The following RITA1 variants were observed in gnomAD, a reference collection of about 807,000 sequenced individuals.
The protein encoded by RITA1 is RBPJ-interacting and tubulin-associated protein 1.
In RITA1, 15 loss-of-function variants were observed where a neutral mutation model predicts 8.7. That is an observed-to-expected ratio of 1.72 (90% CI 1.15 to 2.65). The LOEUF is 2.65. Among genes scored for constraint, RITA1 ranks in the 30% most tolerant of loss-of-function variants. RITA1 has a pLI of 0.00. For synonymous variants in RITA1, 145 were observed against 156.2 expected (o/e 0.93, Z 0.53); for missense variants, 330 against 363.8 (o/e 0.91, Z 0.76).
At chr12:113,187,101 C>A in intron 3 of RITA1, 53 bp downstream of exon 3, 1 of 1,468,732 alleles carries the variant, frequency 6.8e-7, no homozygotes, top group Non-Finnish European at 9.1e-7. Flanking sequence ...ACCTGGATTC[C>A]AGTTACAGCT....
At chr12:113,189,225 A>G (rs61941446) in intron 3 of RITA1, among the ~76,000 whole-genome samples, 7,516 of 152,206 alleles carry the variant, frequency 0.049, 265 homozygotes, top group Middle Eastern at 0.068. Context: ...AGAACTGGCC[A>G]GCTAAAGTTA....
Position 113,188,241 on chromosome 12 carries a change from G to T in RITA1, c.302+1193G>T, listed in dbSNP as rs372247570. ...ATTTTTTTTTTTTTTTTTTGAGACG[G>T]AGTTTTGCTCTTGTTGCCCAGGCTG... On this transcript the variant is annotated intron_variant, in intron 3 of 3. Coordinates refer to ENST00000548278, the MANE Select transcript of RITA1 (RefSeq NM_032848.3). Among the ~76,000 whole-genome samples, 1,027 of 148,974 alleles carry T rather than the reference G, an allele frequency of 6.9e-3. 18 individuals carry two copies. The highest frequency in any genetic ancestry group is 0.023 in the African/African-American group (933 of 40,210).
intron 1 of RITA1, 78 bp from the exon 2 acceptor site, chr12:113,186,107 G>A (rs1952533366): frequency 2.0e-6 from 3 of 1,524,192 alleles, no homozygotes; most frequent in Middle Eastern, 1.7e-4. Flanking sequence ...TGGGGCGGTG[G>A]GGGCGGCGGT....
rs981016314 is a variant in RITA1 at position 113,188,496 on chromosome 12, C to T, written c.302+1448C>T. The stretch of plus-strand genomic sequence containing the variant: ...TGCTGGGATTACAGGCATGAGCCAC[C>T]GCGCCTGGCCACAACACAAATTTAT... On this transcript the variant is annotated intron_variant, in intron 3 of 3. Coordinates refer to ENST00000548278, the MANE Select transcript of RITA1 (RefSeq NM_032848.3). 7.2e-5 allele frequency among the ~76,000 whole-genome samples: 11 copies of T among 152,088 alleles called. No individual in the cohort carries two copies. In the South Asian group the frequency reaches 1.0e-3, roughly 14 times the overall value.
rs764106783 is a variant in RITA1, at chr12:113,191,685, C to CA, written c.679dup (p.Arg227LysfsTer22). On this transcript the variant is annotated frameshift_variant, in exon 4 of 4. Coordinates refer to ENST00000548278, the MANE Select transcript of RITA1 (RefSeq NM_032848.3). LOFTEE classifies it low-confidence loss of function (END_TRUNC). This position sits in a 1 kb window ranked among gnomAD's most constrained non-coding sequence, Gnocchi z 4.0. ...CCCACACAAATGGGCCTCAGGATCT[C>CA]AGGCCTTCCACGTCAGGGGTGACCT... is the stretch of plus-strand genomic sequence containing the variant. 1.6e-5 allele frequency: 26 copies of CA among 1,614,048 alleles called. No homozygotes were observed. The highest frequency in any genetic ancestry group is 1.6e-4 in the Middle Eastern group (1 of 6,082).
In RITA1 at chr12:113,191,440, C is replaced by G; in HGVS notation, c.433C>G (p.Pro145Ala). Reference sequence around the variant, plus strand: ...GCTCCGTGCTCTCTTGTGGACGCCACCACCTACCCCCAGGGGTAGCCACTC... The same window carrying G: ...GCTCCGTGCTCTCTTGTGGACGCCAGCACCTACCCCCAGGGGTAGCCACTC... ...AKLRALLWTP[P>A]PTPRGSHSPR... The change falls in exon 4 of 4, where the codon CCA becomes GCA. Residue 145 changes from proline (P) to alanine (A), a missense_variant. Coordinates refer to ENST00000548278, the MANE Select transcript of RITA1 (RefSeq NM_032848.3). The surrounding 1 kb of genome is among the most constrained non-coding windows in gnomAD (Gnocchi z 4.0). The G allele has an allele frequency of 6.2e-7, 1 of 1,607,854 alleles. No individual in the cohort carries two copies. Among genetic ancestry groups the G allele is most frequent in the African/African-American group, 1.3e-5 (1 of 74,928 alleles).
At position 113,192,140 on chromosome 12, in the gene RITA1, A is replaced by C; in HGVS notation, c.*323A>C. 3.4e-6 allele frequency: 1 copy of C among 290,896 alleles called. No individual in the cohort carries two copies. Among genetic ancestry groups the C allele is most frequent in the Non-Finnish European group, 6.4e-6 (1 of 156,048 alleles). The allele number at this position is 290,896 out of a possible 1,614,324, so 18.0% of individuals were successfully genotyped here. On this transcript the variant is annotated 3_prime_UTR_variant, in exon 4 of 4. Coordinates refer to ENST00000548278, the MANE Select transcript of RITA1 (RefSeq NM_032848.3). ...TTGTCTTGCTGCCAAGTGCGAATAA[A>C]CGGCGTGATTGCCAACCTGGAGGGT...
chr12:113,191,920 GC>G lies in RITA1; in HGVS notation c.*107del. 7.0e-7 allele frequency: 1 copy of G among 1,419,898 alleles called. No homozygotes were observed. The allele number at this position is 1,419,898 out of a possible 1,614,324, so 88.0% of individuals were successfully genotyped here. ...CCAGGGAACCCCAGGTATTAAAGAA[GC>G]CCCTGTGGGGGCAGACAGACATAGC... is the stretch of plus-strand genomic sequence containing the variant. On this transcript the variant is annotated 3_prime_UTR_variant, in exon 4 of 4. Transcript: ENST00000548278. This position sits in a 1 kb window ranked among gnomAD's most constrained non-coding sequence, Gnocchi z 4.0.
Position 113,185,756 on chromosome 12 carries a change from A to C in RITA1, c.-462A>C. The stretch of plus-strand genomic sequence containing the variant: ...GCTGCTCCCTGGTTGCTGGGTGCAA[A>C]GTGCTGGGTTCTGGGTTTCTGGATT... On this transcript the variant is annotated 5_prime_UTR_variant, in exon 1 of 4. Transcript: ENST00000548278. The C allele has an allele frequency of 1.7e-6, 1 of 583,116 alleles. No individual in the cohort carries two copies. The highest frequency in any genetic ancestry group is 3.0e-5 in the East Asian group (1 of 33,840). The allele number at this position is 583,116 out of a possible 1,614,324, so 36.1% of individuals were successfully genotyped here. A position where few individuals can be genotyped will look rare whatever the true frequency, so the allele number is the denominator to read the frequency against.
chr12:113,186,137 A>G (rs1197214084), intron 1 of RITA1, 48 bp from the exon 2 acceptor site: 2 of 1,461,126 alleles, frequency 1.4e-6, no homozygotes, highest in Non-Finnish European at 1.8e-6. Flanking sequence ...ATAGCAGTGT[A>G]GCCAAGTACA....
At position 113,191,362 on chromosome 12, in the gene RITA1, T is replaced by G. The variant is rs1287705537; in HGVS notation, c.355T>G (p.Ser119Ala). ...YCDESLFGSR[S>A]EGASFGAPRM... Reference sequence around the variant, plus strand: ...TGATGAGTCGCTGTTTGGCTCCCGATCTGAAGGCGCCAGCTTCGGGGCCCC... The same window carrying G: ...TGATGAGTCGCTGTTTGGCTCCCGAGCTGAAGGCGCCAGCTTCGGGGCCCC... Residue 119 changes from serine (S) to alanine (A), a missense_variant, in exon 4 of 4, where the codon TCT becomes GCT. Coordinates refer to ENST00000548278, the MANE Select transcript of RITA1 (RefSeq NM_032848.3). The surrounding 1 kb of genome is among the most constrained non-coding windows in gnomAD (Gnocchi z 4.0). 1 of 1,585,568 alleles carries G rather than the reference T, an allele frequency of 6.3e-7. No individual in the cohort carries two copies. The highest frequency in any genetic ancestry group is 8.6e-7 in the Non-Finnish European group (1 of 1,164,276).
At chr12:113,188,280 C>T (rs892162503) in intron 3 of RITA1, among the ~76,000 whole-genome samples, 4 of 150,494 alleles carry the variant, frequency 2.7e-5, no homozygotes, top group Non-Finnish European at 4.4e-5. Context: ...TGCAGTGGAG[C>T]CATCTCAGCT....
Position 113,186,972 on chromosome 12 carries a change from G to T in RITA1, c.226G>T (p.Ala76Ser), listed in dbSNP as rs1459074553. ...VGKEASKALG[A>S]KGSCETTPSR... The stretch of plus-strand genomic sequence containing the variant: ...CAAGGAGGCATCGAAGGCCTTGGGG[G>T]CAAAGGGGAGCTGTGAGACCACCCC... The change falls in exon 3 of 4, where the codon GCA becomes TCA. Residue 76 changes from alanine to serine, a missense_variant. Transcript: ENST00000548278. The T allele has an allele frequency of 6.2e-7, 1 of 1,613,202 alleles. No individual in the cohort carries two copies.
At position 113,192,133 on chromosome 12, in the gene RITA1, C is replaced by A; in HGVS notation, c.*316C>A. ...TCATCCATTGTCTTGCTGCCAAGTGCGAATAAACGGCGTGATTGCCAACCT... is the reference window on the plus strand; with the variant it reads ...TCATCCATTGTCTTGCTGCCAAGTGAGAATAAACGGCGTGATTGCCAACCT... On this transcript the variant is annotated 3_prime_UTR_variant, in exon 4 of 4. Coordinates refer to ENST00000548278, the MANE Select transcript of RITA1 (RefSeq NM_032848.3). 1 of 304,878 alleles carries A rather than the reference C, an allele frequency of 3.3e-6. No homozygotes were observed. The highest frequency in any genetic ancestry group is 6.1e-6 in the Non-Finnish European group (1 of 164,534). The allele number at this position is 304,878 out of a possible 1,614,324, so 18.9% of individuals were successfully genotyped here. A position where few individuals can be genotyped will look rare whatever the true frequency, so the allele number is the denominator to read the frequency against.
In RITA1 at chr12:113,186,869, C is replaced by T; in HGVS notation, c.123C>T (p.Ser41=). 6.2e-7 allele frequency: 1 copy of T among 1,614,036 alleles called. No individual in the cohort carries two copies. Among genetic ancestry groups the T allele is most frequent in the Non-Finnish European group, 8.5e-7 (1 of 1,180,012 alleles). ...TSYVDETLFG[S]PAGTRPTPPD... ...ATGTGGATGAGACTCTGTTTGGCAGCCCAGCAGGCACCCGGCCTACCCCAC... is the reference window on the plus strand; with the variant it reads ...ATGTGGATGAGACTCTGTTTGGCAGTCCAGCAGGCACCCGGCCTACCCCAC... The change falls in exon 3 of 4, where the codon AGC becomes AGT. Residue 41 remains serine (S), a synonymous_variant. Coordinates refer to ENST00000548278, the MANE Select transcript of RITA1 (RefSeq NM_032848.3).
chr12:113,190,372 A>G (rs1379139623), intron 3 of RITA1, among the ~76,000 whole-genome samples: 1 of 152,114 alleles, frequency 6.6e-6, no homozygotes, highest in African/African-American at 2.4e-5. Context: ...GAAAATGGGC[A>G]CGGTGGCTTA....
intron 3 of RITA1, among the ~76,000 whole-genome samples, chr12:113,187,993 A>G (rs1952556685): frequency 6.6e-6 from 1 of 152,096 alleles, no homozygotes; most frequent in Non-Finnish European, 1.5e-5. Flanking sequence ...AGATTAGCAC[A>G]GTAGTTGGCT....
In RITA1 at chr12:113,187,252, G is replaced by A. The variant is rs994437870; in HGVS notation, c.302+204G>A. ...ATGAGAGAGGGGTCTGCAGTGCTTC[G>A]CACAGTAACCTAATACTTAGAAAGC... is the stretch of plus-strand genomic sequence containing the variant. On this transcript the variant is annotated intron_variant, in intron 3 of 3. Transcript: ENST00000548278. 3.6e-5 allele frequency: 20 copies of A among 560,066 alleles called. No individual in the cohort carries two copies. In the East Asian group the frequency reaches 4.2e-4, roughly 12 times the overall value. 34.7% of individuals were successfully genotyped at this position (560,066 alleles called of 1,614,324 possible). A position where few individuals can be genotyped will look rare whatever the true frequency, so the allele number is the denominator to read the frequency against.
At chr12:113,190,095 C>T (rs1172310146) in intron 3 of RITA1, among the ~76,000 whole-genome samples, 8 of 149,104 alleles carry the variant, frequency 5.4e-5, no homozygotes, top group South Asian at 2.1e-4. Flanking sequence ...TTTGGGAGGC[C>T]GAGGTGGGTA....
Sources: gnomAD v4.1 joint callset for allele counts (sites outside exome capture counted in the v4.1 genomes callset) on GRCh38, gnomAD v4.1.1 for gene constraint, Gnocchi (gnomAD v3.1) non-coding constraint, MANE v1.5 for transcripts, NCBI Gene and HGNC (gene_info 2026-07-23, HGNC 2026-07-21) for gene names.